SIPA1L2: variants seen among roughly 807,000 people sequenced by gnomAD.
The protein encoded by SIPA1L2 is signal-induced proliferation-associated 1-like protein 2.
A neutral mutation model predicts 163.9 loss-of-function variants in SIPA1L2; 56 were observed. The observed-to-expected ratio is 0.34, with a 90% CI of 0.28 to 0.43. The LOEUF is 0.43. SIPA1L2 is among the 20% of genes least tolerant of loss of function. The pLI, the probability that SIPA1L2 is intolerant of heterozygous loss-of-function variation, is 1.00. For missense variants in SIPA1L2, 1,974 were observed against 2,193.5 expected, an observed-to-expected ratio of 0.90 and a Z score of 2.00; for synonymous variants, 877 against 865.7, an observed-to-expected ratio of 1.01 and a Z score of -0.23.
intron 11 of SIPA1L2, among the ~76,000 whole-genome samples, chr1:232,445,205 T>C (rs960789418): frequency 6.6e-6 from 1 of 152,226 alleles, no homozygotes; most frequent in African/African-American, 2.4e-5. Context: ...CACACTTTTC[T>C]AGAGGCTCCA....
At chr1:232,467,630 G>A (rs1462920267) in intron 8 of SIPA1L2, among the ~76,000 whole-genome samples, 1 of 152,172 alleles carries the variant, frequency 6.6e-6, no homozygotes. Context: ...TATTGGGTAC[G>A]ATAAACCAAT....
At chr1:232,445,923 T>C (rs1048245412) in intron 10 of SIPA1L2, 137 bp from the exon 11 acceptor site, 2 of 818,726 alleles carry the variant, frequency 2.4e-6, no homozygotes, top group Admixed American at 2.4e-5. Context: ...TGCAGAGCGA[T>C]CCACCCTTAG....
intron 2 of SIPA1L2, among the ~76,000 whole-genome samples, chr1:232,547,694 T>C (rs1246595672): frequency 6.6e-6 from 1 of 152,108 alleles, no homozygotes; most frequent in South Asian, 2.1e-4. Context: ...TCCTACGTTA[T>C]TCAAAGACTT....
At chr1:232,457,953 TA>T (rs1489142879) in intron 10 of SIPA1L2, among the ~76,000 whole-genome samples, 1 of 152,016 alleles carries the variant, frequency 6.6e-6, no homozygotes, top group African/African-American at 2.4e-5. Flanking sequence ...CTAACAAAAA[TA>T]TGGATTTAAA....
chr1:232,537,915 T>C (rs1360133259), intron 2 of SIPA1L2, among the ~76,000 whole-genome samples: 5 of 152,238 alleles, frequency 3.3e-5, no homozygotes, highest in Non-Finnish European at 7.3e-5. Flanking sequence ...AACTATGATA[T>C]TTAAGCTTGT....
intron 3 of SIPA1L2, 99 bp from the exon 4 acceptor site, chr1:232,493,759 C>G: frequency 7.0e-7 from 1 of 1,437,144 alleles, no homozygotes; most frequent in Non-Finnish European, 9.6e-7. Context: ...TGAAGAAATA[C>G]CACATAGCTC....
intron 15 of SIPA1L2, among the ~76,000 whole-genome samples, chr1:232,433,972 A>G (rs1662402311): frequency 6.6e-6 from 1 of 152,184 alleles, no homozygotes; most frequent in African/African-American, 2.4e-5. Context: ...TCTGAAGATA[A>G]TCTGAGTTAA....
At chr1:232,447,801 T>C (rs948522999) in intron 10 of SIPA1L2, among the ~76,000 whole-genome samples, 2 of 152,338 alleles carry the variant, frequency 1.3e-5, no homozygotes, top group South Asian at 2.1e-4. Flanking sequence ...AATATGCATA[T>C]GTGGAATCAA....
chr1:232,425,047 T>C (rs1661804636), intron 18 of SIPA1L2, among the ~76,000 whole-genome samples: 1 of 152,088 alleles, frequency 6.6e-6, no homozygotes, highest in Non-Finnish European at 1.5e-5. Flanking sequence ...TAAGTTGAAA[T>C]AAGCGGGGAC....
At chr1:232,454,090 G>A (rs914399631) in intron 10 of SIPA1L2, among the ~76,000 whole-genome samples, 4 of 152,078 alleles carry the variant, frequency 2.6e-5, no homozygotes, top group African/African-American at 7.2e-5. Context: ...GCTTCCAACC[G>A]GGAGATAACC....
chr1:232,491,893 T>C (rs935385537), intron 4 of SIPA1L2, among the ~76,000 whole-genome samples: 7 of 152,176 alleles, frequency 4.6e-5, no homozygotes, highest in East Asian at 1.9e-4. Flanking sequence ...TCTATACTAA[T>C]ACAGGAGCCC....
At chr1:232,429,142 T>C (rs570721462) in intron 16 of SIPA1L2, among the ~76,000 whole-genome samples, 1 of 152,182 alleles carries the variant, frequency 6.6e-6, no homozygotes, top group South Asian at 2.1e-4. Context: ...AACAAAGGAG[T>C]GTCAAGCTGA....
chr1:232,594,289 G>A (rs998500783), intron 1 of SIPA1L2, among the ~76,000 whole-genome samples: 1 of 152,224 alleles, frequency 6.6e-6, no homozygotes, highest in African/African-American at 2.4e-5. Flanking sequence ...TGGTAGAGCT[G>A]CTACGGGCAG....
At chr1:232,422,183 G>A (rs559867274) in intron 18 of SIPA1L2, among the ~76,000 whole-genome samples, 1 of 152,080 alleles carries the variant, frequency 6.6e-6, no homozygotes, top group African/African-American at 2.4e-5. Flanking sequence ...AGGTCCTAAA[G>A]GCAAGGCAGA....
chr1:232,617,222 C>A (rs1402568758), intron 1 of SIPA1L2, among the ~76,000 whole-genome samples: 1 of 152,196 alleles, frequency 6.6e-6, no homozygotes, highest in Non-Finnish European at 1.5e-5. Context: ...CAGCTCAATG[C>A]TGTGAGCTGG....
At chr1:232,443,339 C>A (rs1054106386) in intron 12 of SIPA1L2, among the ~76,000 whole-genome samples, 7 of 152,298 alleles carry the variant, frequency 4.6e-5, no homozygotes, top group African/African-American at 1.7e-4. Flanking sequence ...GGCAACTAAG[C>A]CCTCACATCC....
intron 3 of SIPA1L2, among the ~76,000 whole-genome samples, chr1:232,498,206 T>G (rs922078697): frequency 6.6e-6 from 1 of 152,150 alleles, no homozygotes; most frequent in African/African-American, 2.4e-5. Flanking sequence ...TCCTCTGGTA[T>G]TGTCCAAAAG....
At chr1:232,449,833 G>A (rs1404864121) in intron 10 of SIPA1L2, among the ~76,000 whole-genome samples, 4 of 152,166 alleles carry the variant, frequency 2.6e-5, no homozygotes, top group African/African-American at 7.2e-5. Flanking sequence ...GGACCTGGGC[G>A]TGGAATAGTT....
intron 3 of SIPA1L2, among the ~76,000 whole-genome samples, chr1:232,498,632 T>A (rs923430416): frequency 2.6e-5 from 4 of 152,166 alleles, no homozygotes; most frequent in Non-Finnish European, 5.9e-5. Flanking sequence ...TTCGTTACGT[T>A]TCTTGGCTCA....
Sources: allele counts gnomAD v4.1 joint callset (sites outside exome capture counted in the v4.1 genomes callset), GRCh38; gene constraint gnomAD v4.1.1; transcripts MANE v1.5; gene names NCBI Gene and HGNC (gene_info 2026-07-23, HGNC 2026-07-21).